The following NAV3 variants were observed in gnomAD, a reference collection of about 807,000 sequenced individuals.
NAV3 encodes the protein pore membrane and/or filament interacting like protein 1.
A neutral mutation model predicts 244.7 loss-of-function variants in NAV3; 87 were observed. The ratio of observed to expected loss-of-function variants is 0.36; its 90% confidence interval spans 0.30 to 0.42. NAV3 has a LOEUF of 0.42. Ranked by LOEUF, NAV3 falls within the 20% of genes least tolerant of loss-of-function variation. NAV3 has a pLI of 1.00. For synonymous variants in NAV3, 1,126 were observed against 1,042.2 expected (o/e 1.08, Z -1.55); for missense variants, 2,663 against 2,893.3 (o/e 0.92, Z 1.83).
intron 12 of NAV3, among the ~76,000 whole-genome samples, chr12:78,112,118 C>G (rs1955124289): frequency 6.6e-6 from 1 of 152,152 alleles, no homozygotes; most frequent in Admixed American, 6.5e-5. Context: ...ACTGACACCT[C>G]TGACACTTGA....
intron 2 of NAV3, among the ~76,000 whole-genome samples, chr12:77,644,452 C>T (rs1217978898): frequency 6.6e-6 from 1 of 151,902 alleles, no homozygotes; most frequent in Non-Finnish European, 1.5e-5. Context: ...AAGGAGTGCA[C>T]AGAATTATCA....
chr12:77,976,279 T>C (rs772184525), intron 5 of NAV3, among the ~76,000 whole-genome samples: 2 of 152,094 alleles, frequency 1.3e-5, no homozygotes, highest in Non-Finnish European at 2.9e-5. Flanking sequence ...ATGGAGCCTA[T>C]AGATAAAAAT....
chr12:77,914,913 A>G (rs184951391), intron 1 of NAV3, among the ~76,000 whole-genome samples: 29 of 151,718 alleles, frequency 1.9e-4, no homozygotes, highest in African/African-American at 6.8e-4. Flanking sequence ...TATTATTTAC[A>G]AAATCAGTTA....
At chr12:77,691,815 A>G (rs1267544624) in intron 2 of NAV3, among the ~76,000 whole-genome samples, 3 of 151,878 alleles carry the variant, frequency 2.0e-5, no homozygotes, top group Non-Finnish European at 4.4e-5. Flanking sequence ...TAACTTGTCC[A>G]ACGTTACACA....
intron 13 of NAV3, among the ~76,000 whole-genome samples, chr12:78,117,158 C>CATATATATATATATAT (rs377148138): frequency 5.7e-5 from 4 of 70,332 alleles, no homozygotes; most frequent in Non-Finnish European, 1.1e-4. Context: ...ACAGAAGCAG[C>CATATATATATATATAT]ATATATATAT....
In NAV3 at chr12:77,940,393, C is replaced by T. The variant is rs909150239; in HGVS notation, c.318C>T (p.Asp106=). Residue 106 remains aspartate (D), a synonymous_variant, in exon 2 of 40, where the codon GAC becomes GAT. Coordinates refer to ENST00000397909, the MANE Select transcript of NAV3 (RefSeq NM_001024383.2). ...GGCTGATCAAGGACTTGCAACAAGA[C>T]ATTGCAGATGGAGTACTCCTAGCAG... ...HKRLIKDLQQ[D]IADGVLLAEI... The T allele has an allele frequency of 6.2e-6, 10 of 1,613,774 alleles. No homozygotes were observed. The highest frequency in any genetic ancestry group is 8.5e-6 in the Non-Finnish European group (10 of 1,179,818).
chr12:77,617,382 AT>A (rs1565738665), intron 2 of NAV3, among the ~76,000 whole-genome samples: 2 of 152,142 alleles, frequency 1.3e-5, no homozygotes, highest in Non-Finnish European at 2.9e-5. Context: ...TATAAAACTC[AT>A]TGAGGCCCCT....
chr12:77,607,784 T>G (rs1028059510), intron 2 of NAV3, among the ~76,000 whole-genome samples: 1 of 152,148 alleles, frequency 6.6e-6, no homozygotes, highest in Admixed American at 6.6e-5. Flanking sequence ...TGTTTTCATT[T>G]GCATGTCTTG....
intron 5 of NAV3, among the ~76,000 whole-genome samples, chr12:77,981,217 C>G (rs959451742): frequency 6.6e-6 from 1 of 152,100 alleles, no homozygotes; most frequent in Non-Finnish European, 1.5e-5. Context: ...AGTGAGGACA[C>G]TTTTTGCAAA....
At chr12:78,116,670 A>G in intron 12 of NAV3, 102 bp from the exon 13 acceptor site, 1 of 1,236,322 alleles carries the variant, frequency 8.1e-7, no homozygotes, top group Non-Finnish European at 1.1e-6. Context: ...ATTTTTTAAA[A>G]GAATGTCTTA....
intron 23 of NAV3, among the ~76,000 whole-genome samples, chr12:78,160,378 A>AGTGT (rs10628612): frequency 0.018 from 2,382 of 133,978 alleles, 44 homozygotes; most frequent in African/African-American, 0.05. Context: ...AATTCTATGG[A>AGTGT]GTGTGTGTGT....
At chr12:77,825,842 T>C (rs1872964383) in intron 2 of NAV3, among the ~76,000 whole-genome samples, 1 of 152,024 alleles carries the variant, frequency 6.6e-6, no homozygotes, top group African/African-American at 2.4e-5. Context: ...AACTCAGTAA[T>C]AATGAGACAA....
intron 2 of NAV3, among the ~76,000 whole-genome samples, chr12:77,722,797 T>G (rs1876698277): frequency 6.6e-6 from 1 of 152,046 alleles, no homozygotes. Flanking sequence ...TTTTGTCTTG[T>G]TACTTGGATA....
At chr12:77,684,964 C>T (rs546172443) in intron 2 of NAV3, among the ~76,000 whole-genome samples, 7 of 152,038 alleles carry the variant, frequency 4.6e-5, no homozygotes, top group Non-Finnish European at 2.9e-5. Flanking sequence ...AGAATCATTA[C>T]GGACTGTGTA....
At chr12:77,738,807 G>A (rs1159894316) in intron 2 of NAV3, among the ~76,000 whole-genome samples, 2 of 152,096 alleles carry the variant, frequency 1.3e-5, no homozygotes, top group South Asian at 4.1e-4. Flanking sequence ...TCAGGAGATC[G>A]AGACCATCCT....
chr12:78,057,110 C>A (rs35677387), intron 11 of NAV3, among the ~76,000 whole-genome samples: 20,951 of 152,124 alleles, frequency 0.14, 1,521 homozygotes, highest in Middle Eastern at 0.19. Flanking sequence ...AGGCCTCTTA[C>A]TCATAATGAA....
intron 1 of NAV3, among the ~76,000 whole-genome samples, chr12:77,836,616 T>C (rs1874686006): frequency 6.6e-6 from 1 of 152,152 alleles, no homozygotes; most frequent in Non-Finnish European, 1.5e-5. Context: ...AAATCCAAAA[T>C]TTGAATTAAA....
In NAV3 at chr12:77,593,068, G is replaced by A. The variant is rs140671775; in HGVS notation, c.72+20802G>A. Among the ~76,000 whole-genome samples, 629 of 152,222 alleles carry A rather than the reference G, an allele frequency of 4.1e-3. 6 individuals carry two copies. Among genetic ancestry groups the A allele is most frequent in the African/African-American group, 0.014 (591 of 41,540 alleles). ...GGTGCTGTGCCACGCAAACAACCCT[G>A]CTTTTTTCCAGCCTGTAACGAGCAT... is the stretch of plus-strand genomic sequence containing the variant. On this transcript the variant is annotated intron_variant, in intron 2 of 8. Coordinates refer to the NAV3 transcript ENST00000550042.
intron 2 of NAV3, among the ~76,000 whole-genome samples, chr12:77,813,820 T>A (rs1013155215): frequency 1.2e-4 from 18 of 152,188 alleles, no homozygotes; most frequent in Admixed American, 1.1e-3. Flanking sequence ...AATATTTTAG[T>A]GAAGAGTGGC....
Sources: allele counts gnomAD v4.1 joint callset (sites outside exome capture counted in the v4.1 genomes callset), GRCh38; gene constraint gnomAD v4.1.1; transcripts MANE v1.5; gene names NCBI Gene and HGNC (gene_info 2026-07-23, HGNC 2026-07-21).